Variants in GREB1L observed in about 807,000 individuals in gnomAD.
GREB1L encodes GREB1 like retinoic acid receptor coactivator.
A neutral mutation model predicts 200.8 loss-of-function variants in GREB1L; 17 were observed. The observed-to-expected ratio is 0.08, with a 90% CI of 0.06 to 0.13. The LOEUF (loss-of-function observed/expected upper bound fraction) is 0.13. Ranked by LOEUF, GREB1L falls within the 10% of genes least tolerant of loss-of-function variation. GREB1L has a pLI of 1.00. For synonymous variants in GREB1L, 789 were observed against 893.0 expected (o/e 0.88, Z 2.08); for missense variants, 1,657 against 2,367.7 (o/e 0.70, Z 6.23).
intron 23 of GREB1L, among the ~76,000 whole-genome samples, chr18:21,504,129 G>A (rs1026804314): frequency 1.3e-5 from 2 of 151,988 alleles, no homozygotes; most frequent in Non-Finnish European, 2.9e-5. Context: ...AGACAGGGTT[G>A]GCCAGGCTGG....
chr18:21,322,478 C>T (rs1012276431), intron 1 of GREB1L, among the ~76,000 whole-genome samples: 1 of 151,698 alleles, frequency 6.6e-6, no homozygotes, highest in African/African-American at 2.4e-5. Context: ...ATAAGAAGCT[C>T]CTAAATGGTA....
chr18:21,389,735 A>C (rs1383190085), intron 4 of GREB1L, among the ~76,000 whole-genome samples: 1 of 152,224 alleles, frequency 6.6e-6, no homozygotes, highest in East Asian at 1.9e-4. Context: ...AAAGCTCAGC[A>C]GAAATGTCAG....
intron 7 of GREB1L, among the ~76,000 whole-genome samples, chr18:21,417,796 T>C (rs1473437176): frequency 1.3e-5 from 2 of 151,984 alleles, no homozygotes; most frequent in East Asian, 3.9e-4. Context: ...AAGACCATCC[T>C]GGCTAACACG....
intron 1 of GREB1L, among the ~76,000 whole-genome samples, chr18:21,319,435 AT>A (rs2038919218): frequency 1.3e-5 from 2 of 152,260 alleles, no homozygotes; most frequent in Non-Finnish European, 2.9e-5. Context: ...TTAGGAAATT[AT>A]GCCGGAAGGC....
intron 1 of GREB1L, among the ~76,000 whole-genome samples, chr18:21,266,178 G>A (rs554278430): frequency 1.3e-5 from 2 of 152,206 alleles, no homozygotes; most frequent in African/African-American, 2.4e-5. Flanking sequence ...GCTGGTGTCC[G>A]GAAGATAGTC....
At chr18:21,378,472 C>T (rs2040167809) in intron 2 of GREB1L, among the ~76,000 whole-genome samples, 1 of 152,182 alleles carries the variant, frequency 6.6e-6, no homozygotes, top group African/African-American at 2.4e-5. Context: ...ACTGCGACCT[C>T]AGGAGATTCT....
At chr18:21,300,140 G>A (rs1364452088) in intron 1 of GREB1L, among the ~76,000 whole-genome samples, 3 of 152,136 alleles carry the variant, frequency 2.0e-5, no homozygotes, top group Admixed American at 6.5e-5. Flanking sequence ...TTCTGCCTAC[G>A]GAGGTCATAA....
chr18:21,244,720 C>T (rs2037567891), intron 1 of GREB1L, among the ~76,000 whole-genome samples: 2 of 152,164 alleles, frequency 1.3e-5, no homozygotes, highest in African/African-American at 4.8e-5. Flanking sequence ...AGTTTGATGT[C>T]ATTGGAGAAC....
intron 25 of GREB1L, among the ~76,000 whole-genome samples, chr18:21,507,908 C>T (rs959717534): frequency 6.6e-6 from 1 of 152,190 alleles, no homozygotes; most frequent in Non-Finnish European, 1.5e-5. Context: ...TATGCAGGTG[C>T]AAGACGGCGG....
chr18:21,513,228 T>C (rs1336654924), intron 27 of GREB1L, among the ~76,000 whole-genome samples: 1 of 152,212 alleles, frequency 6.6e-6, no homozygotes, highest in Non-Finnish European at 1.5e-5. Context: ...TCTCTTAATC[T>C]CTATACCATA....
intron 1 of GREB1L, among the ~76,000 whole-genome samples, chr18:21,246,061 C>T (rs1193930531): frequency 6.6e-6 from 1 of 152,140 alleles, no homozygotes; most frequent in African/African-American, 2.4e-5. Context: ...TATTTCTTTT[C>T]TTTTCTTCTT....
intron 2 of GREB1L, among the ~76,000 whole-genome samples, chr18:21,375,117 G>A (rs1325704714): frequency 6.6e-6 from 1 of 150,754 alleles, no homozygotes; most frequent in East Asian, 2.0e-4. Context: ...TGGCTGGAAT[G>A]CAGTGGCACG....
chr18:21,476,928 G>C (rs1450447380), intron 16 of GREB1L, among the ~76,000 whole-genome samples: 1 of 149,464 alleles, frequency 6.7e-6, no homozygotes, highest in Non-Finnish European at 1.5e-5. Context: ...TTTGCACTTT[G>C]AGGTATATTG....
rs567896651 is a variant in GREB1L at position 21,357,211 on chromosome 18, C to T, written c.-119-8816C>T. ...CTGGGACTACAGGTGCATACCACGA[C>T]GTCTGGTTATTTTTGTATTTTTAGT... On this transcript the variant is annotated intron_variant, in intron 1 of 32. Transcript: ENST00000424526. 6.6e-5 allele frequency among the ~76,000 whole-genome samples: 10 copies of T among 152,232 alleles called. 1 individual carries two copies. Among genetic ancestry groups the T allele is most frequent in the East Asian group, 3.9e-4 (2 of 5,176 alleles).
intron 1 of GREB1L, among the ~76,000 whole-genome samples, chr18:21,331,538 C>G (rs1047477923): frequency 2.0e-5 from 3 of 152,174 alleles, no homozygotes; most frequent in Non-Finnish European, 4.4e-5. Flanking sequence ...TCTTCTTATT[C>G]TGTTGTCTTC....
At chr18:21,477,425 C>T (rs1243526122) in intron 17 of GREB1L, 69 bp downstream of exon 17, 2 of 1,147,996 alleles carry the variant, frequency 1.7e-6, no homozygotes, top group African/African-American at 3.1e-5. Flanking sequence ...GACCTTGTAA[C>T]AAAATGTGTC....
intron 4 of GREB1L, among the ~76,000 whole-genome samples, chr18:21,392,265 G>GCTGCCATCATCATCA: frequency 6.6e-6 from 1 of 152,274 alleles, no homozygotes; most frequent in Non-Finnish European, 1.5e-5. Context: ...TGCTCCATAA[G>GCTGCCATCATCATCA]TTTTAGCTGC....
chr18:21,254,061 A>ATTTTTT (rs547876546), intron 1 of GREB1L, among the ~76,000 whole-genome samples: 5 of 70,438 alleles, frequency 7.1e-5, no homozygotes, highest in Admixed American at 1.7e-4. Context: ...TTTCAGGCAT[A>ATTTTTT]TTTTTTTTTT....
At chr18:21,374,663 C>T (rs1449857135) in intron 2 of GREB1L, among the ~76,000 whole-genome samples, 1 of 152,148 alleles carries the variant, frequency 6.6e-6, no homozygotes, top group African/African-American at 2.4e-5. Context: ...TTAGCTTGTA[C>T]ATGATCTTTT....
Sources: allele counts gnomAD v4.1 joint callset (sites outside exome capture counted in the v4.1 genomes callset), GRCh38; gene constraint gnomAD v4.1.1; transcripts MANE v1.5; gene names NCBI Gene and HGNC (gene_info 2026-07-23, HGNC 2026-07-21).